SPAG17: variants seen among roughly 807,000 people sequenced by gnomAD.
SPAG17 encodes sperm-associated antigen 17.
SPAG17 carries 169 observed loss-of-function variants against 273.6 expected under a neutral mutation model. The observed-to-expected ratio is 0.62, with a 90% confidence interval of 0.55 to 0.70. The LOEUF (loss-of-function observed/expected upper bound fraction) is 0.70, where lower values mean the gene tolerates loss of function less well. Among genes scored for constraint, SPAG17 ranks in the 30% least tolerant of loss-of-function variants. The pLI, the probability that SPAG17 is intolerant of heterozygous loss-of-function variation, is 0.00. For missense variants in SPAG17, 2,557 were observed against 2,627.8 expected (o/e 0.97, Z 0.59); for synonymous variants, 825 against 873.2 (o/e 0.94, Z 0.97).
intron 32 of SPAG17, among the ~76,000 whole-genome samples, chr1:118,000,640 T>C (rs1658175233): frequency 6.6e-6 from 1 of 152,212 alleles, no homozygotes. Context: ...TATTGATGTA[T>C]AGGAATGCTT....
intron 7 of SPAG17, among the ~76,000 whole-genome samples, chr1:118,096,520 G>T (rs1409171505): frequency 3.3e-5 from 5 of 152,012 alleles, no homozygotes; most frequent in Admixed American, 2.0e-4. Flanking sequence ...CGTCCTGCAG[G>T]GTATTCAACA....
intron 28 of SPAG17, among the ~76,000 whole-genome samples, chr1:118,018,560 C>A (rs1660184369): frequency 6.6e-6 from 1 of 151,820 alleles, no homozygotes; most frequent in Non-Finnish European, 1.5e-5. Context: ...TGGCCAGGCA[C>A]AGTGGCTCAC....
At chr1:118,021,035 A>G (rs1012750548) in intron 28 of SPAG17, among the ~76,000 whole-genome samples, 1 of 152,188 alleles carries the variant, frequency 6.6e-6, no homozygotes, top group African/African-American at 2.4e-5. Context: ...AAACTTTTTC[A>G]GAACTTTGAA....
intron 24 of SPAG17, chr1:118,036,566 ATT>A: frequency 1.6e-5 from 5 of 321,904 alleles, no homozygotes; most frequent in Non-Finnish European, 2.2e-5. Context: ...TGTATAAAAG[ATT>A]ATATATATAT....
chr1:118,026,857 C>A (rs1048564861), intron 26 of SPAG17, among the ~76,000 whole-genome samples: 1 of 152,118 alleles, frequency 6.6e-6, no homozygotes, highest in African/African-American at 2.4e-5. Context: ...TCCCTAAAGT[C>A]CAAGACTGAC....
chr1:117,963,416 T>C (rs1653372533), intron 48 of SPAG17: 1 of 152,098 alleles, frequency 6.6e-6, no homozygotes. Flanking sequence ...CAGGCTGGAG[T>C]GCAGTGGCAC....
chr1:117,985,607 C>T (rs1017701978), intron 40 of SPAG17, among the ~76,000 whole-genome samples: 2 of 152,068 alleles, frequency 1.3e-5, no homozygotes, highest in South Asian at 2.1e-4. Flanking sequence ...ACTTTTTTCA[C>T]GTTAGGAAAA....
intron 26 of SPAG17, 76 bp from the exon 27 acceptor site, chr1:118,025,492 TTC>T: frequency 8.9e-7 from 1 of 1,118,714 alleles, no homozygotes; most frequent in Non-Finnish European, 1.2e-6. Flanking sequence ...CTTAATTATT[TTC>T]TTTTTCTTTT....
intron 1 of SPAG17, among the ~76,000 whole-genome samples, chr1:118,171,384 C>G (rs922834991): frequency 6.6e-6 from 1 of 152,112 alleles, no homozygotes; most frequent in Non-Finnish European, 1.5e-5. Context: ...ATTTTCTGTA[C>G]TTTTTTGGAG....
At chr1:117,991,017 A>G (rs564969340) in intron 37 of SPAG17, 111 bp from the exon 38 acceptor site, 2 of 563,674 alleles carry the variant, frequency 3.5e-6, no homozygotes, top group Admixed American at 6.4e-5. Context: ...AAAATGAATT[A>G]GTTTAAAAAT....
At chr1:117,978,230 A>C (rs185139942) in intron 43 of SPAG17, among the ~76,000 whole-genome samples, 177 of 152,270 alleles carry the variant, frequency 1.2e-3, no homozygotes, top group African/African-American at 4.2e-3. Flanking sequence ...CTCTATCATT[A>C]TATCCACTCC....
At chr1:118,152,227 G>A (rs923518571) in intron 1 of SPAG17, among the ~76,000 whole-genome samples, 1 of 152,052 alleles carries the variant, frequency 6.6e-6, no homozygotes, top group African/African-American at 2.4e-5. Context: ...GACCTCTCTG[G>A]GGCTTAGTTT....
At chr1:118,115,249 A>G (rs1298527740) in intron 4 of SPAG17, 61 bp downstream of exon 4, 2 of 1,588,398 alleles carry the variant, frequency 1.3e-6, no homozygotes, top group Admixed American at 3.6e-5. Context: ...CCCTGGAGAA[A>G]CCTGGCTCCA....
intron 10 of SPAG17, among the ~76,000 whole-genome samples, chr1:118,087,573 T>G (rs1655091041): frequency 1.1e-4 from 16 of 152,198 alleles, no homozygotes; most frequent in Admixed American, 9.8e-4. Context: ...TCCTCATTCT[T>G]TCTTCAAAAA....
Position 117,992,503 on chromosome 1 carries a change from T to G in SPAG17, c.5324A>C (p.Lys1775Thr), listed in dbSNP as rs1657210443. Reference protein sequence around the residue: ...MRQFIQHEVIKNEVKLRLQVS... With the variant: ...MRQFIQHEVITNEVKLRLQVS... Reference sequence around the variant, plus strand: ...CTGCAGCCTCAGTTTCACCTCATTCTTTATGACCTCATGCTGAATGAATTG... The same window carrying G: ...CTGCAGCCTCAGTTTCACCTCATTCGTTATGACCTCATGCTGAATGAATTG... The change falls in exon 36 of 49, where the codon AAG becomes ACG. Residue 1775 changes from lysine (K) to threonine (T), a missense_variant. Coordinates refer to ENST00000336338, the MANE Select transcript of SPAG17 (RefSeq NM_206996.4). 4 of 1,613,006 alleles carry G rather than the reference T, an allele frequency of 2.5e-6. No homozygotes were observed. The highest frequency in any genetic ancestry group is 1.7e-4 in the Middle Eastern group (1 of 6,050).
In SPAG17 at chr1:118,101,841, G is replaced by C. The variant is rs779124279; in HGVS notation, c.533C>G (p.Ala178Gly). 3 of 1,613,764 alleles carry C rather than the reference G, an allele frequency of 1.9e-6. No homozygotes were observed. Among genetic ancestry groups the C allele is most frequent in the Non-Finnish European group, 2.5e-6 (3 of 1,179,916 alleles). Reference sequence around the variant, plus strand: ...AGGCTGATCCTTTCCCTTTCCTTTGGCAGGCTTGGCACTTGGAGCCTTTTT... The same window carrying C: ...AGGCTGATCCTTTCCCTTTCCTTTGCCAGGCTTGGCACTTGGAGCCTTTTT... ...KEKKAPSAKP[A>G]KGKGKDQPEA... The change falls in exon 5 of 49, where the codon GCC becomes GGC. Residue 178 changes from alanine to glycine, a missense_variant. Ala to Gly is a moderately conservative substitution (Grantham distance 60). Coordinates refer to ENST00000336338, the MANE Select transcript of SPAG17 (RefSeq NM_206996.4).
In SPAG17 at chr1:118,087,022, C is replaced by T; in HGVS notation, c.1360-14G>A. On this transcript the variant is annotated splice_polypyrimidine_tract_variant and intron_variant, in intron 10 of 48. Transcript: ENST00000336338. ...AGTTGCAACAACCTGTTGAAATCAA[C>T]AATGAGAGGAATTGGTGTAAGGGTC... The T allele has an allele frequency of 6.4e-7, 1 of 1,550,560 alleles. No homozygotes were observed. The highest frequency in any genetic ancestry group is 2.3e-5 in the East Asian group (1 of 44,300).
intron 3 of SPAG17, 167 bp downstream of exon 3, chr1:118,150,376 A>G (rs1041007132): frequency 4.9e-6 from 2 of 407,270 alleles, no homozygotes; most frequent in African/African-American, 2.1e-5. Flanking sequence ...AAAATTTTAA[A>G]AGGAGGCAGA....
chr1:117,992,304 A>T (rs1470197402), intron 36 of SPAG17, among the ~76,000 whole-genome samples, 162 bp downstream of exon 36: 1 of 152,196 alleles, frequency 6.6e-6, no homozygotes, highest in Non-Finnish European at 1.5e-5. Context: ...GAACCATTAA[A>T]TATTTTCTAC....
Sources: allele counts gnomAD v4.1 joint callset (sites outside exome capture counted in the v4.1 genomes callset), GRCh38; gene constraint gnomAD v4.1.1; transcripts MANE v1.5; gene names NCBI Gene and HGNC (gene_info 2026-07-23, HGNC 2026-07-21).